Variants in RAB22A observed in about 807,000 individuals in gnomAD.
RAB22A encodes the protein ras-related protein Rab-22A.
RAB22A carries 13 observed loss-of-function variants against 30.2 expected under a neutral mutation model. The ratio of observed to expected loss-of-function variants is 0.43; its 90% CI spans 0.28 to 0.68. RAB22A has a LOEUF of 0.68. Among genes scored for constraint, RAB22A ranks in the 30% least tolerant of loss-of-function variants. The pLI, the probability that RAB22A is intolerant of heterozygous loss-of-function variation, is 0.18. For missense variants in RAB22A, 177 were observed against 246.8 expected (o/e 0.72, Z 1.89); for synonymous variants, 89 against 87.2 (o/e 1.02, Z -0.11).
intron 2 of RAB22A, among the ~76,000 whole-genome samples, chr20:58,314,089 C>T (rs187936429): frequency 6.7e-6 from 1 of 149,854 alleles, no homozygotes; most frequent in East Asian, 2.0e-4. Context: ...CTCTCTATTA[C>T]CCAGGCTGGA....
intron 2 of RAB22A, among the ~76,000 whole-genome samples, chr20:58,330,802 A>C (rs1008831232): frequency 2.6e-5 from 4 of 152,190 alleles, no homozygotes; most frequent in African/African-American, 9.7e-5. Flanking sequence ...TCTCCCCTAC[A>C]GTTGGAAACA....
At chr20:58,340,417 A>G (rs1371015258) in intron 2 of RAB22A, among the ~76,000 whole-genome samples, 1 of 152,224 alleles carries the variant, frequency 6.6e-6, no homozygotes, top group East Asian at 1.9e-4. Context: ...CTAAGGTTGC[A>G]GAGCCCAGGT....
chr20:58,330,902 A>G (rs2122944042), intron 2 of RAB22A, among the ~76,000 whole-genome samples: 1 of 152,292 alleles, frequency 6.6e-6, no homozygotes, highest in South Asian at 2.1e-4. Flanking sequence ...ATGTGCAATT[A>G]TAGGAATCAG....
At chr20:58,343,855 T>A in intron 3 of RAB22A, 56 bp downstream of exon 3, 1 of 1,351,880 alleles carries the variant, frequency 7.4e-7, no homozygotes. Flanking sequence ...AAGTTCCAAC[T>A]AAACTGTCAG....
At position 58,364,174 on chromosome 20, in the gene RAB22A, G is replaced by T. The variant is rs1472751759; in HGVS notation, c.*4471G>T. The T allele has an allele frequency of 6.6e-6, 1 of 152,594 alleles. No homozygotes were observed. The highest frequency in any genetic ancestry group is 1.5e-5 in the Non-Finnish European group (1 of 68,026). The allele number at this position is 152,594 out of a possible 1,614,324, so 9.5% of individuals were successfully genotyped here. A position where few individuals can be genotyped will look rare whatever the true frequency, so the allele number is the denominator to read the frequency against. On this transcript the variant is annotated 3_prime_UTR_variant, in exon 7 of 7. Transcript: ENST00000244040. ...TGATAAGTGAGAGGCCTATTGTGATGAAGTTGCATTGGACATAATGTGGGA... is the reference window on the plus strand; with the variant it reads ...TGATAAGTGAGAGGCCTATTGTGATTAAGTTGCATTGGACATAATGTGGGA...
chr20:58,360,558 A>C lies in RAB22A; in HGVS notation c.*855A>C, dbSNP rs1987208727. The C allele has an allele frequency of 6.5e-6, 1 of 152,674 alleles. No homozygotes were observed. The highest frequency in any genetic ancestry group is 6.5e-5 in the Admixed American group (1 of 15,282). The allele number at this position is 152,674 out of a possible 1,614,324, so 9.5% of individuals were successfully genotyped here. A position where few individuals can be genotyped will look rare whatever the true frequency, so the allele number is the denominator to read the frequency against. On this transcript the variant is annotated 3_prime_UTR_variant, in exon 7 of 7. Transcript: ENST00000244040. Reference sequence around the variant, plus strand: ...CCCAAGTATTTTGGTGGGGAAAAGCAAGTATCTATTGCTTAGCATATGTAA... The same window carrying C: ...CCCAAGTATTTTGGTGGGGAAAAGCCAGTATCTATTGCTTAGCATATGTAA...
chr20:58,341,236 A>G (rs1986847965), intron 2 of RAB22A, among the ~76,000 whole-genome samples: 1 of 152,096 alleles, frequency 6.6e-6, no homozygotes, highest in Non-Finnish European at 1.5e-5. Context: ...TGGAAGTGGT[A>G]GAGAACTGGA....
chr20:58,367,208 G>T lies in RAB22A; in HGVS notation c.*7505G>T, dbSNP rs1357447461. The T allele has an allele frequency of 6.6e-6, 1 of 152,208 alleles. No homozygotes were observed. The highest frequency in any genetic ancestry group is 1.5e-5 in the Non-Finnish European group (1 of 68,022). The allele number at this position is 152,208 out of a possible 1,614,324, so 9.4% of individuals were successfully genotyped here. On this transcript the variant is annotated 3_prime_UTR_variant, in exon 7 of 7. Coordinates refer to ENST00000244040, the MANE Select transcript of RAB22A (RefSeq NM_020673.3). The stretch of plus-strand genomic sequence containing the variant: ...GTGGATGTTTGAAGACTTTATTTTT[G>T]CAGTCTTAACCTTGGGCTGGACCTA...
At chr20:58,317,126 T>C (rs554075604) in intron 2 of RAB22A, among the ~76,000 whole-genome samples, 94 of 151,798 alleles carry the variant, frequency 6.2e-4, no homozygotes, top group Non-Finnish European at 1.0e-3. Flanking sequence ...GATGGAGTTT[T>C]GCTCTTGTCG....
At chr20:58,335,796 A>G (rs1986739996) in intron 2 of RAB22A, among the ~76,000 whole-genome samples, 1 of 152,266 alleles carries the variant, frequency 6.6e-6, no homozygotes, top group Non-Finnish European at 1.5e-5. Flanking sequence ...GAAATAGTTC[A>G]TCACACACAG....
At chr20:58,355,044 A>G (rs775923855) in intron 6 of RAB22A, among the ~76,000 whole-genome samples, 3 of 152,218 alleles carry the variant, frequency 2.0e-5, no homozygotes, top group Non-Finnish European at 4.4e-5. Flanking sequence ...CTGAGGTCCA[A>G]AGAAGCAGGC....
At chr20:58,330,663 TG>T (rs1826023529) in intron 2 of RAB22A, among the ~76,000 whole-genome samples, 1 of 152,240 alleles carries the variant, frequency 6.6e-6, no homozygotes, top group African/African-American at 2.4e-5. Flanking sequence ...ACGGTTGTGT[TG>T]GGATGTCGCC....
intron 3 of RAB22A, among the ~76,000 whole-genome samples, 195 bp downstream of exon 3, chr20:58,343,994 G>C (rs1214023472): frequency 6.6e-6 from 1 of 152,202 alleles, no homozygotes; most frequent in Non-Finnish European, 1.5e-5. Flanking sequence ...TGGAGAAAGT[G>C]ATAATGGGCA....
At chr20:58,327,256 C>T (rs546938630) in intron 2 of RAB22A, among the ~76,000 whole-genome samples, 3 of 152,292 alleles carry the variant, frequency 2.0e-5, no homozygotes, top group East Asian at 1.9e-4. Context: ...AGTAACAAAT[C>T]GTCCCAGTAT....
chr20:58,351,082 G>A lies in RAB22A; in HGVS notation c.199-2191G>A, dbSNP rs148087225. Among the ~76,000 whole-genome samples, 11 of 152,252 alleles carry A rather than the reference G, an allele frequency of 7.2e-5. 1 individual carries two copies. The highest frequency in any genetic ancestry group is 2.4e-4 in the African/African-American group (10 of 41,552). ...AGTCCAGACACAGGGGCTCACACCTGTAATCCCAGCACTTTGAAAGGCCAC... is the reference window on the plus strand; with the variant it reads ...AGTCCAGACACAGGGGCTCACACCTATAATCCCAGCACTTTGAAAGGCCAC... On this transcript the variant is annotated intron_variant, in intron 3 of 6. Coordinates refer to ENST00000244040, the MANE Select transcript of RAB22A (RefSeq NM_020673.3).
intron 5 of RAB22A, 83 bp downstream of exon 5, chr20:58,353,621 T>C (rs781523837): frequency 3.5e-4 from 412 of 1,184,386 alleles, no homozygotes; most frequent in Non-Finnish European, 4.6e-4. Flanking sequence ...GAATCTTGCT[T>C]TTATTTTATC....
At chr20:58,352,322 A>G (rs1356427629) in intron 3 of RAB22A, among the ~76,000 whole-genome samples, 1 of 152,224 alleles carries the variant, frequency 6.6e-6, no homozygotes, top group Non-Finnish European at 1.5e-5. Context: ...CCCCTGTGAT[A>G]ATCCCTGCCT....
chr20:58,329,684 C>G (rs1986630883), intron 2 of RAB22A, among the ~76,000 whole-genome samples: 1 of 152,148 alleles, frequency 6.6e-6, no homozygotes, highest in Admixed American at 6.5e-5. Context: ...ATCTGTTTTG[C>G]ACCATTCTCT....
intron 2 of RAB22A, among the ~76,000 whole-genome samples, chr20:58,331,443 A>G (rs1234418172): frequency 6.6e-6 from 1 of 152,214 alleles, no homozygotes; most frequent in Non-Finnish European, 1.5e-5. Flanking sequence ...TCAGCCCACA[A>G]TAGACGCTCA....
Sources: gnomAD v4.1 joint callset for allele counts (sites outside exome capture counted in the v4.1 genomes callset) on GRCh38, gnomAD v4.1.1 for gene constraint, MANE v1.5 for transcripts, NCBI Gene and HGNC (gene_info 2026-07-23, HGNC 2026-07-21) for gene names.